RAF1: variants seen among roughly 807,000 people sequenced by gnomAD.
The protein encoded by RAF1 is Raf-1 proto-oncogene, serine/threonine kinase.
A neutral mutation model predicts 81.1 loss-of-function variants in RAF1; 27 were observed. The observed-to-expected ratio is 0.33, with a 90% confidence interval of 0.25 to 0.46. The LOEUF is 0.46. Ranked by LOEUF, RAF1 falls within the 20% of genes least tolerant of loss-of-function variation. The pLI is 1.00. For synonymous variants in RAF1, 298 were observed against 294.0 expected, an observed-to-expected ratio of 1.01 and a Z score of -0.14; for missense variants, 598 against 826.0, an observed-to-expected ratio of 0.72 and a Z score of 3.38.
chr3:12,591,102 C>CA, intron 12 of RAF1, 128 bp from the exon 12 acceptor site: 1 of 818,204 alleles, frequency 1.2e-6, no homozygotes, highest in East Asian at 2.6e-5. Context: ...CCCCCAGTCC[C>CA]AAAAACAAAC....
At chr3:12,623,082 G>T (rs2059597607) in intron 1 of RAF1, among the ~76,000 whole-genome samples, 1 of 151,874 alleles carries the variant, frequency 6.6e-6, no homozygotes, top group South Asian at 2.1e-4. Context: ...TTTTTATATA[G>T]ATATATATTT....
rs529514974 is a variant in RAF1, at chr3:12,584,217, G to A, written c.*297C>T. 27 of 466,996 alleles carry A rather than the reference G, an allele frequency of 5.8e-5. No homozygotes were observed. Among genetic ancestry groups the A allele is most frequent in the African/African-American group, 4.8e-4 (25 of 51,962 alleles). 28.9% of individuals were successfully genotyped at this position (466,996 alleles called of 1,614,324 possible). A position where few individuals can be genotyped will look rare whatever the true frequency, so the allele number is the denominator to read the frequency against. On this transcript the variant is annotated 3_prime_UTR_variant, in exon 18 of 18. Coordinates refer to ENST00000442415, the MANE Select transcript of RAF1 (RefSeq NM_001354689.3). ...AGCCAACAGCTGGGGCTGGGCCCCT[G>A]CTTTTTGTACTACCATCAACATCCA...
At chr3:12,624,007 A>C (rs368895358) in intron 1 of RAF1, among the ~76,000 whole-genome samples, 1 of 151,790 alleles carries the variant, frequency 6.6e-6, no homozygotes, top group Admixed American at 6.6e-5. Flanking sequence ...GGCATGTACC[A>C]CCACACCTGG....
At chr3:12,645,115 A>T (rs1034139491) in intron 1 of RAF1, among the ~76,000 whole-genome samples, 24 of 151,648 alleles carry the variant, frequency 1.6e-4, no homozygotes, top group Non-Finnish European at 2.9e-4. Flanking sequence ...AAAAAAAAAA[A>T]AAAAAATAAG....
rs1046419504 is a variant in RAF1 at position 12,584,068 on chromosome 3, A to G, written c.*446T>C. ...TTATGTGCAAAATGTCTGGCGCTGC[A>G]CCACTCTCTGAAGAAAGTCCCGCCT... On this transcript the variant is annotated 3_prime_UTR_variant, in exon 18 of 18. Coordinates refer to ENST00000442415, the MANE Select transcript of RAF1 (RefSeq NM_001354689.3). 2.2e-5 allele frequency: 7 copies of G among 313,758 alleles called. No individual in the cohort carries two copies. The highest frequency in any genetic ancestry group is 3.0e-5 in the Non-Finnish European group (5 of 164,792). 19.4% of individuals were successfully genotyped at this position (313,758 alleles called of 1,614,324 possible).
rs753517162 is a variant in RAF1, at chr3:12,612,022, A to G, written c.248T>C (p.Met83Thr). The change falls in exon 3 of 18, where the codon ATG becomes ACG. Residue 83 changes from methionine to threonine, a missense_variant. Transcript: ENST00000442415. ...CAGGCCCCTCACCTTGAGTGCTTTC[A>G]TAAGGCAGTCATGCAAGCTCATTCC... 3 of 1,614,164 alleles carry G rather than the reference A, an allele frequency of 1.9e-6. No individual in the cohort carries two copies. Among genetic ancestry groups the G allele is most frequent in the South Asian group, 1.1e-5 (1 of 91,084 alleles).
chr3:12,639,822 C>T (rs1227555093), intron 1 of RAF1, among the ~76,000 whole-genome samples: 1 of 152,096 alleles, frequency 6.6e-6, no homozygotes, highest in Non-Finnish European at 1.5e-5. Flanking sequence ...CAGTGCCATC[C>T]CCATCAAGCT....
chr3:12,653,177 G>A (rs1428715511), intron 1 of RAF1, among the ~76,000 whole-genome samples: 1 of 152,022 alleles, frequency 6.6e-6, no homozygotes, highest in East Asian at 1.9e-4. Flanking sequence ...AGCTACTTGG[G>A]AGACTGAGGC....
chr3:12,662,718 TACTC>T (rs1486141229), intron 1 of RAF1, among the ~76,000 whole-genome samples: 2 of 152,236 alleles, frequency 1.3e-5, no homozygotes, highest in Admixed American at 1.3e-4. Flanking sequence ...GATGAGCACT[TACTC>T]ACAGGTGTTT....
chr3:12,601,167 G>A (rs2058850771), intron 8 of RAF1, among the ~76,000 whole-genome samples: 1 of 152,166 alleles, frequency 6.6e-6, no homozygotes, highest in African/African-American at 2.4e-5. Context: ...CAGAAAGCTG[G>A]AAAGACCACA....
intron 2 of RAF1, among the ~76,000 whole-genome samples, chr3:12,615,284 CAA>C (rs1267846634): frequency 1.3e-5 from 2 of 152,160 alleles, no homozygotes; most frequent in South Asian, 4.1e-4. Flanking sequence ...AGGAGGAAGT[CAA>C]AGAGGCACAC....
In RAF1 at chr3:12,584,954, C is replaced by G. The variant is rs750077934; in HGVS notation, c.1756G>C (p.Ala586Pro). 6.2e-7 allele frequency: 1 copy of G among 1,614,164 alleles called. No individual in the cohort carries two copies. ...TATAGCTTACTAAGATCTGGGGAGG[C>G]ATATCCTCGGCCCACCATGAAGATG... is the stretch of plus-strand genomic sequence containing the variant. Residue 586 changes from alanine to proline, a missense_variant, in exon 17 of 18, where the codon GCC (alanine) becomes CCC (proline). Coordinates refer to ENST00000442415, the MANE Select transcript of RAF1 (RefSeq NM_001354689.3).
intron 15 of RAF1, 133 bp from the exon 15 acceptor site, chr3:12,585,386 C>T: frequency 1.3e-6 from 2 of 1,539,492 alleles, no homozygotes; most frequent in South Asian, 2.4e-5. Flanking sequence ...GCTTTTCCCC[C>T]AAAGGACTCC....
At chr3:12,656,922 G>A (rs186549820) in intron 1 of RAF1, among the ~76,000 whole-genome samples, 12 of 151,918 alleles carry the variant, frequency 7.9e-5, no homozygotes, top group South Asian at 2.1e-4. Context: ...ACTTGAACCC[G>A]GGAGACAGAG....
At chr3:12,610,349 A>G (rs972169298) in intron 3 of RAF1, among the ~76,000 whole-genome samples, 1 of 152,256 alleles carries the variant, frequency 6.6e-6, no homozygotes, top group Non-Finnish European at 1.5e-5. Flanking sequence ...AAAACTTCCT[A>G]TAACTCCAAA....
chr3:12,645,079 CAG>C (rs1200460818), intron 1 of RAF1, among the ~76,000 whole-genome samples: 2 of 119,846 alleles, frequency 1.7e-5, no homozygotes, highest in Non-Finnish European at 3.2e-5. Context: ...AGCCTGGTGA[CAG>C]AGCGAGACTC....
At chr3:12,618,957 A>G (rs2059462677) in intron 1 of RAF1, among the ~76,000 whole-genome samples, 1 of 152,226 alleles carries the variant, frequency 6.6e-6, no homozygotes, top group Non-Finnish European at 1.5e-5. Context: ...AAGATTTAGC[A>G]AGCAACTGCG....
In RAF1 at chr3:12,602,564, C is replaced by T. The variant is rs377591678; in HGVS notation, c.894+914G>A. ...GAGGTGGGGTTTTGCTACATATAGC[C>T]CAGGTAGGTCTTGAACTCCTGGTCG... is the stretch of plus-strand genomic sequence containing the variant. On this transcript the variant is annotated intron_variant, in intron 8 of 17. Transcript: ENST00000442415. 2.0e-5 allele frequency among the ~76,000 whole-genome samples: 3 copies of T among 151,974 alleles called. No homozygotes were observed. In the South Asian group the frequency reaches 6.2e-4, roughly 32 times the overall value.
At position 12,618,539 on chromosome 3, in the gene RAF1, G is replaced by C; in HGVS notation, c.183C>G (p.Phe61Leu). ...CCACTGTTCTTTGCTTGTTCGGCAA[G>C]AAAACACGGATAGTGTTGCTTGTCT... Residue 61 changes from phenylalanine (F) to leucine (L), a missense_variant, in exon 2 of 18, where the codon TTC becomes TTG. Physicochemically the swap from Phe to Leu is conservative, Grantham distance 22. Around this residue, in one of 5 missense-constraint regions of RAF1, gnomAD observed 89 missense variants for 169.2 expected, o/e 0.53. Transcript: ENST00000442415. 6.2e-7 allele frequency: 1 copy of C among 1,614,214 alleles called. No homozygotes were observed. The highest frequency in any genetic ancestry group is 8.5e-7 in the Non-Finnish European group (1 of 1,180,032).
Sources: gnomAD v4.1 joint callset for allele counts (sites outside exome capture counted in the v4.1 genomes callset) on GRCh38, gnomAD v4.1.1 for gene constraint, gnomAD v4.1.1 regional missense constraint, MANE v1.5 for transcripts, NCBI Gene and HGNC (gene_info 2026-07-23, HGNC 2026-07-21) for gene names.